Variants in NRP1 observed in about 807,000 individuals in gnomAD.
The protein encoded by NRP1 is neuropilin-1.
In NRP1, 35 loss-of-function variants were observed where a neutral mutation model predicts 106.7. The ratio of observed to expected loss-of-function variants is 0.33; its 90% CI spans 0.25 to 0.43. NRP1 has a LOEUF of 0.43. Among genes scored for constraint, NRP1 ranks in the 20% least tolerant of loss-of-function variants. The probability of loss-of-function intolerance (pLI) is 1.00; values close to 1 mark genes in which losing one functional copy is unlikely to be tolerated. For missense variants in NRP1, 1,024 were observed against 1,170.4 expected (o/e 0.87, Z 1.83); for synonymous variants, 437 against 417.9 (o/e 1.05, Z -0.56).
intron 6 of NRP1, among the ~76,000 whole-genome samples, chr10:33,234,794 A>T (rs1055560321): frequency 6.6e-6 from 1 of 152,230 alleles, no homozygotes; most frequent in Admixed American, 6.5e-5. Context: ...GGAAACAAAT[A>T]AAACCTTTGC....
chr10:33,329,479 A>G (rs1848122062), intron 2 of NRP1, among the ~76,000 whole-genome samples: 1 of 152,134 alleles, frequency 6.6e-6, no homozygotes, highest in Admixed American at 6.5e-5. Flanking sequence ...TTTTGATATT[A>G]CTCTGTTCTT....
In NRP1 at chr10:33,284,437, A is replaced by ATAAG. The variant is rs1844368523; in HGVS notation, c.249-13585_249-13582dup. Among the ~76,000 whole-genome samples, 4 of 152,358 alleles carry ATAAG rather than the reference A, an allele frequency of 2.6e-5. No individual in the cohort carries two copies. The South Asian group carries it at 8.3e-4, about 32-fold the overall frequency. ...TAGTTCTTGAATTATTTGGGGGCAT[A>ATAAG]TAAGTGCTCATTTAAAAATGTACAA... is the stretch of plus-strand genomic sequence containing the variant. On this transcript the variant is annotated intron_variant, in intron 2 of 16. Coordinates refer to ENST00000374867, the MANE Select transcript of NRP1 (RefSeq NM_003873.7).
At chr10:33,208,873 G>C (rs1838039739) in intron 9 of NRP1, among the ~76,000 whole-genome samples, 1 of 143,106 alleles carries the variant, frequency 7.0e-6, no homozygotes, top group South Asian at 2.3e-4. Context: ...AAAGAAAACT[G>C]ATAAAATGGT....
At chr10:33,306,942 AAAG>A (rs1846207260) in intron 2 of NRP1, among the ~76,000 whole-genome samples, 1 of 152,254 alleles carries the variant, frequency 6.6e-6, no homozygotes, top group African/African-American at 2.4e-5. Context: ...GAAAGTACAC[AAAG>A]AAAAGACTCA....
intron 3 of NRP1, among the ~76,000 whole-genome samples, chr10:33,265,691 C>T (rs768428642): frequency 4.6e-5 from 7 of 152,218 alleles, no homozygotes; most frequent in Non-Finnish European, 7.3e-5. Flanking sequence ...CTGCAGAGGT[C>T]TGACTTATTT....
At chr10:33,282,497 C>T (rs1443177184) in intron 2 of NRP1, among the ~76,000 whole-genome samples, 1 of 152,126 alleles carries the variant, frequency 6.6e-6, no homozygotes, top group African/African-American at 2.4e-5. Context: ...ATCAAAGCTA[C>T]AGGAATTAAA....
At chr10:33,264,918 G>T (rs1281994587) in intron 3 of NRP1, among the ~76,000 whole-genome samples, 1 of 152,074 alleles carries the variant, frequency 6.6e-6, no homozygotes. Flanking sequence ...AGACCAGCCT[G>T]GCCAACATAG....
At chr10:33,235,615 A>G (rs967557285) in intron 6 of NRP1, among the ~76,000 whole-genome samples, 12 of 152,242 alleles carry the variant, frequency 7.9e-5, no homozygotes, top group Non-Finnish European at 1.6e-4. Flanking sequence ...ATACAATTGT[A>G]TTCACCAAAA....
chr10:33,316,061 C>T (rs1847012041), intron 2 of NRP1, among the ~76,000 whole-genome samples: 1 of 152,174 alleles, frequency 6.6e-6, no homozygotes, highest in African/African-American at 2.4e-5. Flanking sequence ...ATGGTTACTT[C>T]CTTAGGGAAA....
At chr10:33,321,373 AT>A (rs1401236391) in intron 2 of NRP1, among the ~76,000 whole-genome samples, 1 of 152,248 alleles carries the variant, frequency 6.6e-6, no homozygotes, top group Non-Finnish European at 1.5e-5. Context: ...TTATTGGAGA[AT>A]AAAAAGGACA....
At chr10:33,270,545 T>C in intron 3 of NRP1, 130 bp downstream of exon 3, 1 of 694,986 alleles carries the variant, frequency 1.4e-6, no homozygotes, top group Non-Finnish European at 2.2e-6. Context: ...CAGGCTGGTC[T>C]TGAATTCCTG....
chr10:33,320,795 G>A (rs766351232), intron 2 of NRP1, among the ~76,000 whole-genome samples: 13 of 152,190 alleles, frequency 8.5e-5, no homozygotes, highest in Non-Finnish European at 1.9e-4. Context: ...ATGTAAGTAA[G>A]ACATGGTTTT....
At chr10:33,221,993 A>G in intron 7 of NRP1, 130 bp from the exon 8 acceptor site, 1 of 894,128 alleles carries the variant, frequency 1.1e-6, no homozygotes, top group East Asian at 2.6e-5. Context: ...GATGGCGTTA[A>G]TAACTCGCCA....
chr10:33,302,863 A>C (rs1428154256), intron 2 of NRP1, among the ~76,000 whole-genome samples: 1 of 152,224 alleles, frequency 6.6e-6, no homozygotes, highest in Non-Finnish European at 1.5e-5. Flanking sequence ...CATGGTTGGT[A>C]AGTGGCCTGT....
At chr10:33,258,538 G>A (rs1034842775) in intron 4 of NRP1, among the ~76,000 whole-genome samples, 2 of 152,160 alleles carry the variant, frequency 1.3e-5, no homozygotes, top group African/African-American at 2.4e-5. Flanking sequence ...AGGGCATCAC[G>A]CTGTCACGGA....
intron 16 of NRP1, among the ~76,000 whole-genome samples, chr10:33,181,485 T>C (rs946338168): frequency 4.7e-4 from 71 of 152,338 alleles, no homozygotes; most frequent in Non-Finnish European, 3.7e-4. Context: ...CAACAGATGC[T>C]GACATGCATT....
At chr10:33,204,089 A>T (rs1299493306) in intron 10 of NRP1, among the ~76,000 whole-genome samples, 1 of 152,150 alleles carries the variant, frequency 6.6e-6, no homozygotes, top group East Asian at 1.9e-4. Flanking sequence ...AATATTTTAC[A>T]GTTTTTGGCA....
chr10:33,251,693 G>T (rs1303389550), intron 6 of NRP1, among the ~76,000 whole-genome samples: 1 of 152,196 alleles, frequency 6.6e-6, no homozygotes, highest in East Asian at 1.9e-4. Flanking sequence ...AATGCTTTGT[G>T]AGAGGCCATG....
intron 2 of NRP1, among the ~76,000 whole-genome samples, chr10:33,290,055 G>A (rs1046145076): frequency 2.0e-5 from 3 of 152,082 alleles, no homozygotes; most frequent in Non-Finnish European, 4.4e-5. Context: ...GTAAATTACA[G>A]GTTTTGTTCT....
Sources: gnomAD v4.1 joint callset for allele counts (sites outside exome capture counted in the v4.1 genomes callset) on GRCh38, gnomAD v4.1.1 for gene constraint, MANE v1.5 for transcripts, NCBI Gene and HGNC (gene_info 2026-07-23, HGNC 2026-07-21) for gene names.